UNC5C: variants seen among roughly 807,000 people sequenced by gnomAD.
The protein encoded by UNC5C is netrin receptor UNC5C.
Under a neutral mutation model 99.8 loss-of-function variants are expected in UNC5C, and 47 were observed. The ratio of observed to expected loss-of-function variants is 0.47; its 90% CI spans 0.37 to 0.60. The LOEUF (loss-of-function observed/expected upper bound fraction) is 0.60. Among genes scored for constraint, UNC5C ranks in the 20% least tolerant of loss-of-function variants. The pLI is 0.00. For synonymous variants in UNC5C, 487 were observed against 452.2 expected, an observed-to-expected ratio of 1.08 and a Z score of -0.98; for missense variants, 1,062 against 1,165.9, an observed-to-expected ratio of 0.91 and a Z score of 1.30.
rs548311472 is a variant in UNC5C at position 95,451,361 on chromosome 4, A to G, written c.124+97373T>C. Among the ~76,000 whole-genome samples the G allele has an allele frequency of 2.0e-5, 3 of 152,244 alleles. No homozygotes were observed. In the South Asian group the frequency reaches 6.2e-4, roughly 32 times the overall value. On this transcript the variant is annotated intron_variant, in intron 1 of 15. Transcript: ENST00000453304. ...AGAAAGGAAACTTCGACAGAAACATATAAGAAAAAGTAGTCTGTCATTTCT... is the reference window on the plus strand; with the variant it reads ...AGAAAGGAAACTTCGACAGAAACATGTAAGAAAAAGTAGTCTGTCATTTCT...
chr4:95,293,720 A>AC (rs1399112165), intron 3 of UNC5C, among the ~76,000 whole-genome samples: 1 of 152,148 alleles, frequency 6.6e-6, no homozygotes, highest in South Asian at 2.1e-4. Context: ...GTACTGGTTA[A>AC]ACACATGGAC....
intron 7 of UNC5C, chr4:95,222,125 G>T: frequency 1.0e-6 from 1 of 995,288 alleles, no homozygotes; most frequent in Non-Finnish European, 1.4e-6. Flanking sequence ...GTGCACATCT[G>T]TAATCCGAAG....
chr4:95,242,875 G>A (rs1739378013), intron 6 of UNC5C, among the ~76,000 whole-genome samples: 2 of 152,186 alleles, frequency 1.3e-5, no homozygotes, highest in African/African-American at 4.8e-5. Flanking sequence ...GTAAAAGTAG[G>A]CCATGATGGT....
chr4:95,246,528 C>A lies in UNC5C; in HGVS notation c.776-1384G>T, dbSNP rs758050451. ...TGAGCTATGATCACATCACTACACT[C>A]CAGCCTGGGCAACAGAGTGAGACCC... On this transcript the variant is annotated intron_variant, in intron 5 of 15. Coordinates refer to ENST00000453304, the MANE Select transcript of UNC5C (RefSeq NM_003728.4). Among the ~76,000 whole-genome samples, 171 of 152,054 alleles carry A rather than the reference C, an allele frequency of 1.1e-3. 1 individual carries two copies. Among genetic ancestry groups the A allele is most frequent in the Non-Finnish European group, 1.6e-3 (110 of 68,004 alleles).
intron 1 of UNC5C, among the ~76,000 whole-genome samples, chr4:95,431,101 C>T (rs550403900): frequency 2.6e-5 from 4 of 152,080 alleles, no homozygotes; most frequent in African/African-American, 7.2e-5. Flanking sequence ...TCTTCACCCT[C>T]TCATACCCCA....
At chr4:95,533,704 T>G (rs1006800544) in intron 1 of UNC5C, among the ~76,000 whole-genome samples, 2 of 152,110 alleles carry the variant, frequency 1.3e-5, no homozygotes, top group Non-Finnish European at 2.9e-5. Context: ...CTTGTTAGTT[T>G]GAAAACAAAA....
intron 1 of UNC5C, among the ~76,000 whole-genome samples, chr4:95,438,849 G>A (rs1746866111): frequency 6.6e-6 from 1 of 152,102 alleles, no homozygotes; most frequent in Non-Finnish European, 1.5e-5. Flanking sequence ...GAGCATTGCT[G>A]CTTTCTGTAG....
At chr4:95,427,228 G>A (rs940861127) in intron 1 of UNC5C, among the ~76,000 whole-genome samples, 1 of 152,146 alleles carries the variant, frequency 6.6e-6, no homozygotes, top group African/African-American at 2.4e-5. Flanking sequence ...GGATGAGCAA[G>A]GAAAGTAGTT....
intron 3 of UNC5C, among the ~76,000 whole-genome samples, chr4:95,298,586 T>C (rs991104695): frequency 6.6e-6 from 1 of 152,124 alleles, no homozygotes; most frequent in African/African-American, 2.4e-5. Flanking sequence ...ACTGTCAACT[T>C]CCTCAGCAAA....
intron 3 of UNC5C, among the ~76,000 whole-genome samples, chr4:95,281,151 A>C (rs1033926557): frequency 6.6e-6 from 1 of 152,248 alleles, no homozygotes; most frequent in Non-Finnish European, 1.5e-5. Flanking sequence ...AACTGGAATG[A>C]GTTCTCAAAT....
At chr4:95,426,360 ATCTC>A (rs1034154366) in intron 1 of UNC5C, among the ~76,000 whole-genome samples, 19 of 151,994 alleles carry the variant, frequency 1.3e-4, no homozygotes, top group Admixed American at 3.9e-4. Context: ...CCATTCTCTC[ATCTC>A]TCTCTCTCTT....
chr4:95,355,811 C>T (rs942510171), intron 1 of UNC5C, among the ~76,000 whole-genome samples: 10 of 152,148 alleles, frequency 6.6e-5, no homozygotes, highest in Middle Eastern at 6.8e-3. Flanking sequence ...AACTATGTTT[C>T]CCCCAATTTT....
chr4:95,457,330 C>T (rs745448968), intron 1 of UNC5C, among the ~76,000 whole-genome samples: 3 of 151,962 alleles, frequency 2.0e-5, no homozygotes, highest in Non-Finnish European at 2.9e-5. Flanking sequence ...GGGTGTTTTA[C>T]ACCATATTAA....
rs1169538740 is a variant in UNC5C, at chr4:95,162,954, TTC to T, written c.*6278_*6279del. 1 of 152,200 alleles carries T rather than the reference TTC, an allele frequency of 6.6e-6. No individual in the cohort carries two copies. The highest frequency in any genetic ancestry group is 1.5e-5 in the Non-Finnish European group (1 of 68,056). 9.4% of individuals were successfully genotyped at this position (152,200 alleles called of 1,614,324 possible). On this transcript the variant is annotated 3_prime_UTR_variant, in exon 16 of 16. Transcript: ENST00000453304. The stretch of plus-strand genomic sequence containing the variant: ...TCTTCAACACGACTGCTGGGGATTT[TTC>T]TCTGACAAACATTGGTGTCTTCTTT...
intron 3 of UNC5C, among the ~76,000 whole-genome samples, chr4:95,295,927 A>G (rs1052734329): frequency 1.3e-5 from 2 of 152,144 alleles, no homozygotes; most frequent in Admixed American, 6.5e-5. Flanking sequence ...TTCTACTAAA[A>G]ATACAAAAAT....
intron 1 of UNC5C, among the ~76,000 whole-genome samples, chr4:95,397,112 G>A (rs1358774397): frequency 2.6e-5 from 4 of 152,178 alleles, no homozygotes; most frequent in Admixed American, 1.3e-4. Flanking sequence ...GCCAAAGGAA[G>A]AGTCTACAGC....
intron 12 of UNC5C, among the ~76,000 whole-genome samples, chr4:95,188,335 G>GA (rs1736917598): frequency 6.6e-6 from 1 of 152,088 alleles, no homozygotes; most frequent in Non-Finnish European, 1.5e-5. Flanking sequence ...AAGCATAACA[G>GA]AAAAAAGGAG....
intron 1 of UNC5C, among the ~76,000 whole-genome samples, chr4:95,344,007 T>C (rs1560796019): frequency 6.6e-6 from 1 of 151,868 alleles, no homozygotes; most frequent in Non-Finnish European, 1.5e-5. Context: ...TAGAGAGAGA[T>C]ATAAAGGTAG....
intron 4 of UNC5C, among the ~76,000 whole-genome samples, chr4:95,268,018 C>T (rs1180025240): frequency 1.4e-5 from 2 of 142,796 alleles, no homozygotes; most frequent in Non-Finnish European, 3.0e-5. Flanking sequence ...GGCGCGATCT[C>T]GGCTCACTGC....
Sources: allele counts gnomAD v4.1 joint callset (sites outside exome capture counted in the v4.1 genomes callset), GRCh38; gene constraint gnomAD v4.1.1; transcripts MANE v1.5; gene names NCBI Gene and HGNC (gene_info 2026-07-23, HGNC 2026-07-21).